The following LINGO2 variants were observed in gnomAD, a reference collection of about 807,000 sequenced individuals.
LINGO2 encodes leucine-rich repeat and immunoglobulin-like domain-containing nogo receptor-interacting protein 2.
A neutral mutation model predicts 30.6 loss-of-function variants in LINGO2; 14 were observed. That is an observed-to-expected ratio of 0.46 (90% CI 0.30 to 0.72). The LOEUF (loss-of-function observed/expected upper bound fraction) is 0.72, where lower values mean the gene tolerates loss of function less well. Among genes scored for constraint, LINGO2 ranks in the 30% least tolerant of loss-of-function variants. LINGO2 has a pLI of 0.07. For synonymous variants in LINGO2, 317 were observed against 288.5 expected, an observed-to-expected ratio of 1.10 and a Z score of -1.00; for missense variants, 729 against 751.7, an observed-to-expected ratio of 0.97 and a Z score of 0.35.
rs112637904 is a variant in LINGO2 at position 28,339,855 on chromosome 9, G to T, written c.-246+32981C>A. On this transcript the variant is annotated intron_variant, in intron 3 of 5. Transcript: ENST00000379992. The stretch of plus-strand genomic sequence containing the variant: ...GTGTTTGTGGTAGTGAAAAATTCTG[G>T]ACAACTCTGTTGATTGGAGCCCCTT... Among the ~76,000 whole-genome samples the T allele has an allele frequency of 1.7e-4, 26 of 152,186 alleles. 2 individuals are homozygous for T. Among genetic ancestry groups the T allele is most frequent in the African/African-American group, 4.3e-4 (18 of 41,530 alleles).
At chr9:28,889,477 T>G in the LINGO2 span, among the ~76,000 whole-genome samples, 1 of 152,220 alleles carries the variant, frequency 6.6e-6, no homozygotes, top group South Asian at 2.1e-4. Flanking sequence ...TGGGCTATTT[T>G]ACTTTTCATT....
chr9:28,648,208 G>A (rs995941453), intron 1 of LINGO2, among the ~76,000 whole-genome samples: 3 of 151,992 alleles, frequency 2.0e-5, no homozygotes, highest in Non-Finnish European at 4.4e-5. Context: ...TTCAGGTGAT[G>A]CTTTGCAAAA....
chr9:28,274,180 T>C (rs1056320945), intron 4 of LINGO2, among the ~76,000 whole-genome samples: 4 of 152,230 alleles, frequency 2.6e-5, no homozygotes, highest in Admixed American at 6.5e-5. Context: ...AAACTAATTC[T>C]AACCATATCA....
the LINGO2 span, among the ~76,000 whole-genome samples, chr9:28,704,141 C>T: frequency 6.6e-6 from 1 of 151,878 alleles, no homozygotes; most frequent in Admixed American, 6.6e-5. Context: ...ATAACACATT[C>T]CCTCAATATT....
chr9:28,846,934 A>G, the LINGO2 span, among the ~76,000 whole-genome samples: 1 of 147,672 alleles, frequency 6.8e-6, no homozygotes, highest in African/African-American at 2.6e-5. Flanking sequence ...GGAAAAAAAA[A>G]AAGTCCCCAT....
chr9:28,038,483 G>GA (rs1824046622), intron 4 of LINGO2, among the ~76,000 whole-genome samples: 10 of 152,114 alleles, frequency 6.6e-5, no homozygotes, highest in Admixed American at 6.5e-4. Flanking sequence ...CACGAGGTCA[G>GA]GAGATCGAGA....
At chr9:28,648,150 GAT>G (rs1410349151) in intron 1 of LINGO2, among the ~76,000 whole-genome samples, 1 of 151,794 alleles carries the variant, frequency 6.6e-6, no homozygotes, top group Non-Finnish European at 1.5e-5. Flanking sequence ...CAAACATAAA[GAT>G]AGACTGGTTT....
intron 4 of LINGO2, among the ~76,000 whole-genome samples, chr9:28,158,836 C>T (rs749265716): frequency 2.4e-4 from 36 of 152,172 alleles, no homozygotes; most frequent in Non-Finnish European, 4.6e-4. Flanking sequence ...CTATCCTTCA[C>T]GAAGTATGTA....
At chr9:28,219,008 T>C (rs1486579688) in intron 4 of LINGO2, among the ~76,000 whole-genome samples, 1 of 152,158 alleles carries the variant, frequency 6.6e-6, no homozygotes, top group Admixed American at 6.6e-5. Flanking sequence ...TTGCCAGAAA[T>C]TCTAATCATT....
the LINGO2 span, among the ~76,000 whole-genome samples, chr9:28,832,466 A>G: frequency 6.6e-6 from 1 of 152,314 alleles, no homozygotes; most frequent in African/African-American, 2.4e-5. Context: ...CTGATAGAGT[A>G]TACAATAATT....
intron 3 of LINGO2, among the ~76,000 whole-genome samples, chr9:28,348,502 C>T (rs900171148): frequency 6.6e-6 from 1 of 152,126 alleles, no homozygotes; most frequent in African/African-American, 2.4e-5. Context: ...GGTCCAATGC[C>T]CACAGAGTCT....
At chr9:28,478,511 C>G (rs1825810213) in intron 1 of LINGO2, among the ~76,000 whole-genome samples, 1 of 151,954 alleles carries the variant, frequency 6.6e-6, no homozygotes, top group South Asian at 2.1e-4. Context: ...ATCTACCCAC[C>G]ACATTTTGAG....
At chr9:28,856,344 A>G in the LINGO2 span, among the ~76,000 whole-genome samples, 3 of 152,036 alleles carry the variant, frequency 2.0e-5, no homozygotes, top group African/African-American at 7.2e-5. Flanking sequence ...TAACAAAATA[A>G]TGATTCCCTC....
chr9:28,293,643 T>C (rs1823819258), intron 4 of LINGO2, among the ~76,000 whole-genome samples: 4 of 152,160 alleles, frequency 2.6e-5, no homozygotes, highest in Admixed American at 1.3e-4. Flanking sequence ...TTGCTGATTT[T>C]CTGTCTGCTG....
intron 5 of LINGO2, among the ~76,000 whole-genome samples, chr9:27,989,614 A>G (rs1288484052): frequency 1.3e-5 from 2 of 151,992 alleles, no homozygotes; most frequent in Non-Finnish European, 2.9e-5. Context: ...ATCACCATAT[A>G]TATAGAAACT....
At chr9:29,030,307 A>G in the LINGO2 span, among the ~76,000 whole-genome samples, 1 of 152,116 alleles carries the variant, frequency 6.6e-6, no homozygotes, top group Non-Finnish European at 1.5e-5. Context: ...CATCAATTCC[A>G]CAATGCATAC....
intron 4 of LINGO2, among the ~76,000 whole-genome samples, chr9:28,051,559 C>T (rs1335618507): frequency 6.6e-6 from 1 of 152,084 alleles, no homozygotes; most frequent in Admixed American, 6.6e-5. Context: ...TAAATTCCTA[C>T]CTCTTAGAGG....
intron 4 of LINGO2, among the ~76,000 whole-genome samples, chr9:28,105,819 G>A (rs1171070000): frequency 6.6e-6 from 1 of 152,118 alleles, no homozygotes; most frequent in Non-Finnish European, 1.5e-5. Flanking sequence ...GCCAGGAGGA[G>A]AGCCCTCACA....
intron 2 of LINGO2, among the ~76,000 whole-genome samples, chr9:28,469,982 T>C (rs1282233418): frequency 6.6e-6 from 1 of 152,158 alleles, no homozygotes; most frequent in Non-Finnish European, 1.5e-5. Context: ...TACAGGATTT[T>C]AAAAAACAAA....
Sources: allele counts gnomAD v4.1 joint callset (sites outside exome capture counted in the v4.1 genomes callset), GRCh38; gene constraint gnomAD v4.1.1; transcripts MANE v1.5; gene names NCBI Gene and HGNC (gene_info 2026-07-23, HGNC 2026-07-21).